Variants in INSL6 observed in about 807,000 individuals in gnomAD.
INSL6 encodes the protein insulin like 6, also known as insulin-like peptide INSL6.
Under a neutral mutation model 9.4 loss-of-function variants are expected in INSL6, and 16 were observed. The observed-to-expected ratio is 1.70, with a 90% confidence interval of 1.15 to 2.59. INSL6 has a LOEUF of 2.59. Among genes scored for constraint, INSL6 ranks in the 30% most tolerant of loss-of-function variants. The pLI, the probability that INSL6 is intolerant of heterozygous loss-of-function variation, is 0.00. For synonymous variants in INSL6, 154 were observed against 96.9 expected (o/e 1.59, Z -3.46); for missense variants, 391 against 257.3 (o/e 1.52, Z -3.56).
At chr9:5,086,910 G>A in the INSL6 span, among the ~76,000 whole-genome samples, 1 of 151,992 alleles carries the variant, frequency 6.6e-6, no homozygotes, top group Non-Finnish European at 1.5e-5. Context: ...ACTTTCGCTG[G>A]TATCCACAAT....
chr9:4,998,479 A>T, the INSL6 span, among the ~76,000 whole-genome samples: 1 of 151,784 alleles, frequency 6.6e-6, no homozygotes, highest in South Asian at 2.1e-4. Context: ...CTGGTCTCGA[A>T]CTCCTGACCT....
chr9:5,077,462 T>C, the INSL6 span: 1 of 1,165,114 alleles, frequency 8.6e-7, no homozygotes, highest in Non-Finnish European at 1.2e-6. Flanking sequence ...GATATTCTGG[T>C]TCAGGAGTTT....
intron 2 of INSL6, among the ~76,000 whole-genome samples, chr9:5,152,814 A>C (rs1487862422): frequency 6.6e-6 from 1 of 152,228 alleles, no homozygotes; most frequent in South Asian, 2.1e-4. Context: ...TCGACGCAGA[A>C]GGCAGGTGAT....
At chr9:5,053,787 C>G in the INSL6 span, among the ~76,000 whole-genome samples, 1 of 151,878 alleles carries the variant, frequency 6.6e-6, no homozygotes, top group Non-Finnish European at 1.5e-5. Context: ...GATTCTACAT[C>G]TAATATGCCA....
chr9:5,174,412 A>G (rs373202358), intron 1 of INSL6, among the ~76,000 whole-genome samples: 4 of 152,236 alleles, frequency 2.6e-5, no homozygotes, highest in African/African-American at 4.8e-5. Flanking sequence ...GCTAAATTCA[A>G]CAGCCATTCA....
the INSL6 span, among the ~76,000 whole-genome samples, chr9:5,104,135 C>T: frequency 2.0e-5 from 3 of 151,714 alleles, no homozygotes; most frequent in South Asian, 2.1e-4. Flanking sequence ...GCTGGTTTTT[C>T]AAAAAGATCA....
At chr9:5,137,557 T>C (rs1824409411) in intron 2 of INSL6, among the ~76,000 whole-genome samples, 1 of 152,068 alleles carries the variant, frequency 6.6e-6, no homozygotes, top group African/African-American at 2.4e-5. Flanking sequence ...TGAAACTGGA[T>C]CCCTTCCTTA....
the INSL6 span, among the ~76,000 whole-genome samples, chr9:5,037,592 C>G: frequency 3.4e-4 from 52 of 152,206 alleles, no homozygotes; most frequent in Non-Finnish European, 6.2e-4. Flanking sequence ...TCATTCTCAG[C>G]AAACTATCGC....
At chr9:5,164,518 G>C (rs1218575096) in intron 1 of INSL6, among the ~76,000 whole-genome samples, 1 of 152,164 alleles carries the variant, frequency 6.6e-6, no homozygotes, top group Non-Finnish European at 1.5e-5. Flanking sequence ...TATAAAATTA[G>C]TCATTTTAAA....
chr9:5,020,061 G>A, the INSL6 span, among the ~76,000 whole-genome samples: 2 of 152,164 alleles, frequency 1.3e-5, no homozygotes, highest in African/African-American at 4.8e-5. Flanking sequence ...GATGGGCTGG[G>A]CAGCTGAGTG....
chr9:5,098,784 C>T, the INSL6 span: 1 of 151,922 alleles, frequency 6.6e-6, no homozygotes, highest in South Asian at 2.1e-4. Context: ...AGCTCTGCCT[C>T]CCGGGTTCAC....
At chr9:5,119,532 T>C (rs1012905403), downstream of INSL6, among the ~76,000 whole-genome samples, 1 of 152,262 alleles carries the variant, frequency 6.6e-6, no homozygotes, top group East Asian at 1.9e-4. Context: ...AGATGATATA[T>C]ATATCTGGCA....
chr9:5,162,218 T>C (rs149319726), downstream of INSL6, among the ~76,000 whole-genome samples: 1,555 of 152,248 alleles, frequency 0.01, 18 homozygotes, highest in African/African-American at 0.036. Flanking sequence ...TATCAAGGTA[T>C]CTCAGATTTT....
At chr9:5,039,315 T>TA in the INSL6 span, among the ~76,000 whole-genome samples, 1 of 152,170 alleles carries the variant, frequency 6.6e-6, no homozygotes, top group East Asian at 1.9e-4. Flanking sequence ...ACTGAACATG[T>TA]ACAGACTTTT....
the INSL6 span, among the ~76,000 whole-genome samples, chr9:5,067,323 C>T: frequency 2.6e-5 from 4 of 152,078 alleles, no homozygotes; most frequent in African/African-American, 9.7e-5. Context: ...AATGAAACCC[C>T]ACTGTTAATA....
the INSL6 span, among the ~76,000 whole-genome samples, chr9:5,104,606 A>G: frequency 7.9e-5 from 12 of 152,300 alleles, no homozygotes; most frequent in South Asian, 2.5e-3. Flanking sequence ...AGACACCACA[A>G]AAAAATAATT....
intron 1 of INSL6, among the ~76,000 whole-genome samples, chr9:5,177,872 C>T (rs12341844): frequency 0.39 from 59,715 of 151,596 alleles, 13,690 homozygotes; most frequent in African/African-American, 0.65. Context: ...CTGCTTCTTT[C>T]TTTTTCTTCT....
the INSL6 span, among the ~76,000 whole-genome samples, chr9:5,019,720 G>A: frequency 5.8e-3 from 878 of 152,266 alleles, 10 homozygotes; most frequent in African/African-American, 0.02. Context: ...GATTTGACTG[G>A]GGTGTTTGTT....
chr9:5,109,523 GC>G, the INSL6 span: 1 of 152,110 alleles, frequency 6.6e-6, no homozygotes, highest in East Asian at 1.9e-4. Context: ...TACTATAATA[GC>G]CCTAATCGCC....
Sources: allele counts gnomAD v4.1 joint callset (sites outside exome capture counted in the v4.1 genomes callset), GRCh38; gene constraint gnomAD v4.1.1; transcripts MANE v1.5; gene names NCBI Gene and HGNC (gene_info 2026-07-23, HGNC 2026-07-21).